CYREN: variants seen among roughly 807,000 people sequenced by gnomAD.
The protein encoded by CYREN is cell cycle regulator of NHEJ, also known as cell cycle regulator of non-homologous end joining.
CYREN carries 7 observed loss-of-function variants against 9.7 expected under a neutral mutation model. That is an observed-to-expected ratio of 0.72 (90% CI 0.41 to 1.36). CYREN has a LOEUF of 1.36. Among genes scored for constraint, CYREN ranks in the 40% most tolerant of loss-of-function variants. The pLI is 0.01. For missense variants in CYREN, 215 were observed against 198.1 expected, an observed-to-expected ratio of 1.09 and a Z score of -0.51; for synonymous variants, 76 against 77.9, an observed-to-expected ratio of 0.98 and a Z score of 0.13.
chr7:135,096,414 G>GGAAA (rs59684349), intron 2 of CYREN, among the ~76,000 whole-genome samples: 64,281 of 146,902 alleles, frequency 0.44, 14,681 homozygotes, highest in East Asian at 0.77. Context: ...GAGGAAGGAA[G>GGAAA]GAAAGAAAGA....
intron 2 of CYREN, among the ~76,000 whole-genome samples, chr7:135,144,897 C>T (rs1654516186): frequency 7.3e-6 from 1 of 137,726 alleles, no homozygotes; most frequent in African/African-American, 2.7e-5. Flanking sequence ...CGTGCCACTG[C>T]ACTCCAGCCT....
At chr7:135,115,426 C>T (rs891105449) in intron 2 of CYREN, 5 of 1,551,206 alleles carry the variant, frequency 3.2e-6, no homozygotes, top group South Asian at 2.4e-5. Context: ...GCATATCTTT[C>T]CAAAGCAAGA....
intron 2 of CYREN, among the ~76,000 whole-genome samples, chr7:135,136,092 G>T (rs1829335654): frequency 6.6e-6 from 1 of 152,070 alleles, no homozygotes; most frequent in Admixed American, 6.6e-5. Flanking sequence ...AAGTATGTCA[G>T]GCAGAAGAGT....
At chr7:135,123,234 A>G (rs180887950) in intron 2 of CYREN, among the ~76,000 whole-genome samples, 25 of 152,312 alleles carry the variant, frequency 1.6e-4, no homozygotes, top group African/African-American at 5.5e-4. Context: ...CAGCACAAGA[A>G]CCTTGTGAAG....
chr7:135,132,228 G>T (rs1828871448), intron 2 of CYREN, among the ~76,000 whole-genome samples: 2 of 152,086 alleles, frequency 1.3e-5, no homozygotes, highest in South Asian at 2.1e-4. Flanking sequence ...GACAGAATAA[G>T]ATTTTGCATA....
intron 2 of CYREN, among the ~76,000 whole-genome samples, chr7:135,110,796 C>A (rs1825527077): frequency 6.6e-6 from 1 of 152,186 alleles, no homozygotes; most frequent in South Asian, 2.1e-4. Flanking sequence ...CAACCACTTT[C>A]TTAACAATGT....
chr7:135,149,929 A>G (rs1488179363), intron 2 of CYREN, among the ~76,000 whole-genome samples: 3 of 152,204 alleles, frequency 2.0e-5, no homozygotes, highest in African/African-American at 7.2e-5. Flanking sequence ...TTCCATGCTC[A>G]TTGACTTTTA....
chr7:135,101,894 T>C (rs893906552), intron 2 of CYREN, among the ~76,000 whole-genome samples: 40 of 152,102 alleles, frequency 2.6e-4, no homozygotes, highest in African/African-American at 8.7e-4. Context: ...GGAGGCGGCG[T>C]CCCCCATGCT....
chr7:135,147,633 C>T (rs1418871337), intron 2 of CYREN, among the ~76,000 whole-genome samples: 1 of 152,090 alleles, frequency 6.6e-6, no homozygotes, highest in Admixed American at 6.6e-5. Context: ...CCAGAGAAGC[C>T]CAGTCATCAT....
chr7:135,149,736 G>T (rs1029561639), intron 2 of CYREN, among the ~76,000 whole-genome samples: 1 of 152,098 alleles, frequency 6.6e-6, no homozygotes, highest in Non-Finnish European at 1.5e-5. Flanking sequence ...TTTACTTGGC[G>T]TATCTTTAAT....
chr7:135,106,771 T>A (rs1824787950), intron 2 of CYREN, among the ~76,000 whole-genome samples: 2 of 152,204 alleles, frequency 1.3e-5, no homozygotes, highest in Non-Finnish European at 2.9e-5. Context: ...CTTTTTGAAA[T>A]AGTTTCAGTA....
chr7:135,163,026 T>C (rs530836806), downstream of CYREN, among the ~76,000 whole-genome samples: 18 of 152,230 alleles, frequency 1.2e-4, no homozygotes, highest in Non-Finnish European at 2.4e-4. Flanking sequence ...ATTGCACTTA[T>C]AGGTAGATCA....
downstream of CYREN, chr7:135,164,713 T>G: frequency 6.2e-7 from 1 of 1,614,234 alleles, no homozygotes; most frequent in Non-Finnish European, 8.5e-7. Flanking sequence ...TACGGGTCCC[T>G]GGTCCTCACC....
chr7:135,123,714 C>G (rs1166360920), intron 2 of CYREN, among the ~76,000 whole-genome samples: 1 of 152,084 alleles, frequency 6.6e-6, no homozygotes, highest in Non-Finnish European at 1.5e-5. Flanking sequence ...ACTCTACAAG[C>G]CAGAAAAGAT....
intron 2 of CYREN, among the ~76,000 whole-genome samples, chr7:135,156,410 T>G (rs1001682007): frequency 1.2e-4 from 18 of 152,136 alleles, no homozygotes; most frequent in African/African-American, 4.3e-4. Flanking sequence ...TTATCCTTTT[T>G]TCCTCATTTT....
intron 2 of CYREN, among the ~76,000 whole-genome samples, chr7:135,150,265 G>T (rs1286593549): frequency 6.6e-6 from 1 of 152,218 alleles, no homozygotes; most frequent in Non-Finnish European, 1.5e-5. Context: ...TATCTCTTCT[G>T]AAGAGAGGCT....
rs141751710 is a variant in CYREN at position 135,155,471 on chromosome 7, C to G, written n.356+13278G>C. On this transcript the variant is annotated intron_variant and non_coding_transcript_variant, in intron 2 of 2. Transcript: ENST00000459937. The stretch of plus-strand genomic sequence containing the variant: ...GTTGCCATTTGATTCCTTTCTCTTC[C>G]TTTGTATGATTGTTTTATACAAACT... Among the ~76,000 whole-genome samples, 95 of 152,200 alleles carry G rather than the reference C, an allele frequency of 6.2e-4. 2 individuals carry two copies. The East Asian group carries it at 7.9e-3, about 13-fold the overall frequency.
intron 2 of CYREN, among the ~76,000 whole-genome samples, chr7:135,122,930 G>T (rs1233500733): frequency 6.6e-6 from 1 of 152,122 alleles, no homozygotes; most frequent in African/African-American, 2.4e-5. Flanking sequence ...AACTCATGAA[G>T]ATGGGAAAGA....
chr7:135,103,413 A>T (rs1049067514), intron 2 of CYREN, among the ~76,000 whole-genome samples: 10 of 152,290 alleles, frequency 6.6e-5, no homozygotes, highest in Non-Finnish European at 1.3e-4. Context: ...TTCTTGAATC[A>T]AACTCTCACC....
Sources: allele counts gnomAD v4.1 joint callset (sites outside exome capture counted in the v4.1 genomes callset), GRCh38; gene constraint gnomAD v4.1.1; transcripts MANE v1.5; gene names NCBI Gene and HGNC (gene_info 2026-07-23, HGNC 2026-07-21).